Variants in FAM107B observed in about 807,000 individuals in gnomAD.
FAM107B encodes protein FAM107B.
A neutral mutation model predicts 31.5 loss-of-function variants in FAM107B; 21 were observed. The ratio of observed to expected loss-of-function variants is 0.67; its 90% CI spans 0.47 to 0.96. FAM107B has a LOEUF of 0.96. Ranked by LOEUF, FAM107B falls within the 40% of genes least tolerant of loss-of-function variation. FAM107B has a pLI of 0.00. For synonymous variants in FAM107B, 157 were observed against 141.5 expected (o/e 1.11, Z -0.78); for missense variants, 452 against 377.1 (o/e 1.20, Z -1.64).
Position 14,767,176 on chromosome 10 carries a change from C to T in FAM107B, c.411+7077G>A, listed in dbSNP as rs1263825258. Among the ~76,000 whole-genome samples the T allele has an allele frequency of 2.0e-5, 3 of 146,578 alleles. No homozygotes were observed. The East Asian group carries it at 6.2e-4, about 30-fold the overall frequency. On this transcript the variant is annotated intron_variant, in intron 1 of 4. Coordinates refer to ENST00000181796, the MANE Select transcript of FAM107B (RefSeq NM_031453.4). ...GTGCCACAATCTCAGCTCACTGCAACCTCTGCCTCCCGGGTTCAAGTCATT... is the reference window on the plus strand; with the variant it reads ...GTGCCACAATCTCAGCTCACTGCAATCTCTGCCTCCCGGGTTCAAGTCATT...
chr10:14,763,975 C>G (rs1246864962), intron 1 of FAM107B, among the ~76,000 whole-genome samples: 1 of 152,214 alleles, frequency 6.6e-6, no homozygotes, highest in Non-Finnish European at 1.5e-5. Context: ...TACCACTATT[C>G]ACAGTCAGGA....
In FAM107B at chr10:14,690,927, C is replaced by T. The variant is rs547432434; in HGVS notation, c.412-23236G>A. 2.5e-4 allele frequency among the ~76,000 whole-genome samples: 31 copies of T among 124,640 alleles called. 1 individual carries two copies. In the South Asian group the frequency reaches 6.5e-3, roughly 26 times the overall value. The allele number at this position is 124,640 out of a possible 152,430, so 81.8% of individuals were successfully genotyped here. A position where few individuals can be genotyped will look rare whatever the true frequency, so the allele number is the denominator to read the frequency against. Reference sequence around the variant, plus strand: ...ATTGATCCATTCATTATTTCATGGGCATTTGTTGATTGATTGATTGATTGA... The same window carrying T: ...ATTGATCCATTCATTATTTCATGGGTATTTGTTGATTGATTGATTGATTGA... On this transcript the variant is annotated intron_variant, in intron 1 of 4. Coordinates refer to ENST00000181796, the MANE Select transcript of FAM107B (RefSeq NM_031453.4).
At chr10:14,745,996 A>G (rs1588750473) in intron 1 of FAM107B, among the ~76,000 whole-genome samples, 1 of 151,818 alleles carries the variant, frequency 6.6e-6, no homozygotes, top group Admixed American at 6.6e-5. Flanking sequence ...TATTGAGTGT[A>G]TATATATATA....
Position 14,774,788 on chromosome 10 carries a change from G to T in FAM107B, c.-125C>A. 1 of 1,127,008 alleles carries T rather than the reference G, an allele frequency of 8.9e-7. No homozygotes were observed. Among genetic ancestry groups the T allele is most frequent in the Non-Finnish European group, 1.2e-6 (1 of 808,344 alleles). The allele number at this position is 1,127,008 out of a possible 1,614,324, so 69.8% of individuals were successfully genotyped here. A position where few individuals can be genotyped will look rare whatever the true frequency, so the allele number is the denominator to read the frequency against. On this transcript the variant is annotated 5_prime_UTR_variant, in exon 1 of 5. Transcript: ENST00000181796. ...CGAAGAGAAGAACTTGCTAGTGGTTGCCCCTAAATAGAAGTTGGGATGGCA... is the reference window on the plus strand; with the variant it reads ...CGAAGAGAAGAACTTGCTAGTGGTTTCCCCTAAATAGAAGTTGGGATGGCA...
intron 2 of FAM107B, among the ~76,000 whole-genome samples, chr10:14,627,638 T>G (rs1368576065): frequency 6.6e-6 from 1 of 152,124 alleles, no homozygotes; most frequent in South Asian, 2.1e-4. Flanking sequence ...TTAGCCGTGG[T>G]TGAGCACACC....
intron 2 of FAM107B, among the ~76,000 whole-genome samples, chr10:14,546,637 A>G (rs1271690129): frequency 6.6e-6 from 1 of 152,226 alleles, no homozygotes; most frequent in East Asian, 1.9e-4. Context: ...TTTAAAAACC[A>G]GTGACTGCTC....
chr10:14,603,770 G>T (rs1023006019), intron 2 of FAM107B, among the ~76,000 whole-genome samples: 3 of 152,068 alleles, frequency 2.0e-5, no homozygotes, highest in African/African-American at 7.2e-5. Flanking sequence ...CCGTCGGCGC[G>T]GGGCAAACCT....
chr10:14,706,839 A>G (rs894580149), intron 1 of FAM107B, among the ~76,000 whole-genome samples: 1 of 152,154 alleles, frequency 6.6e-6, no homozygotes, highest in Non-Finnish European at 1.5e-5. Context: ...ACACTTAAAA[A>G]ATGGTGGCCA....
At chr10:14,548,424 G>A in intron 2 of FAM107B, 1 of 985,708 alleles carries the variant, frequency 1.0e-6, no homozygotes, top group Non-Finnish European at 1.2e-6. Flanking sequence ...GGTGCGTGGG[G>A]CGTAGGTAAC....
At chr10:14,576,118 C>T (rs771314955) in intron 2 of FAM107B, among the ~76,000 whole-genome samples, 5 of 152,080 alleles carry the variant, frequency 3.3e-5, no homozygotes, top group African/African-American at 4.8e-5. Context: ...TTATGGTTAC[C>T]GAGTTTTGGT....
At chr10:14,556,093 C>T (rs1232439253) in intron 2 of FAM107B, 1 of 152,532 alleles carries the variant, frequency 6.6e-6, no homozygotes, top group Non-Finnish European at 1.5e-5. Flanking sequence ...ATTAAAGCTG[C>T]ACTGCTGCCT....
chr10:14,737,967 G>A (rs887589482), intron 1 of FAM107B, among the ~76,000 whole-genome samples: 3 of 152,066 alleles, frequency 2.0e-5, no homozygotes, highest in African/African-American at 7.3e-5. Context: ...GTCTCTAGGC[G>A]TTTCATTCCC....
chr10:14,658,925 G>A (rs887518729), intron 2 of FAM107B, among the ~76,000 whole-genome samples: 21 of 152,148 alleles, frequency 1.4e-4, no homozygotes, highest in South Asian at 2.1e-4. Flanking sequence ...AGTGACAAGT[G>A]GTTTCAAAAA....
chr10:14,723,799 G>A, intron 1 of FAM107B: 2 of 757,920 alleles, frequency 2.6e-6, no homozygotes, highest in South Asian at 1.3e-5. Flanking sequence ...CTTCAGCAGG[G>A]CCCTCTGGCC....
intron 1 of FAM107B, among the ~76,000 whole-genome samples, chr10:14,730,928 C>T (rs1564277634): frequency 6.6e-6 from 1 of 151,820 alleles, no homozygotes; most frequent in Admixed American, 6.6e-5. Flanking sequence ...GCAGAGGTGA[C>T]TTTAGGGGTG....
chr10:14,740,773 T>TA (rs961902569), intron 1 of FAM107B, among the ~76,000 whole-genome samples: 7 of 152,164 alleles, frequency 4.6e-5, no homozygotes, highest in African/African-American at 1.7e-4. Context: ...AAAACTGCTC[T>TA]AAAAAACAAA....
chr10:14,610,674 A>T (rs1022996), intron 2 of FAM107B, among the ~76,000 whole-genome samples: 34,948 of 152,210 alleles, frequency 0.23, 4,574 homozygotes, highest in East Asian at 0.4. Context: ...AAGCTGTTTC[A>T]TTAAAAGAGC....
chr10:14,622,153 G>A (rs192206594), intron 2 of FAM107B, among the ~76,000 whole-genome samples: 1 of 152,088 alleles, frequency 6.6e-6, no homozygotes, highest in Admixed American at 6.5e-5. Context: ...CATCCAACGG[G>A]GGCCAGGCAA....
At chr10:14,717,951 G>T (rs1457317474) in intron 1 of FAM107B, among the ~76,000 whole-genome samples, 1 of 152,152 alleles carries the variant, frequency 6.6e-6, no homozygotes, top group East Asian at 1.9e-4. Context: ...TGGAATAGGG[G>T]TTTTATGAAT....
Sources: gnomAD v4.1 joint callset for allele counts (sites outside exome capture counted in the v4.1 genomes callset) on GRCh38, gnomAD v4.1.1 for gene constraint, MANE v1.5 for transcripts, NCBI Gene and HGNC (gene_info 2026-07-23, HGNC 2026-07-21) for gene names.